HERC1: variants seen among roughly 807,000 people sequenced by gnomAD.
HERC1 encodes the protein probable E3 ubiquitin-protein ligase HERC1.
Under a neutral mutation model 554.3 loss-of-function variants are expected in HERC1, and 160 were observed. The observed-to-expected ratio is 0.29, with a 90% CI of 0.25 to 0.33. The LOEUF is 0.33. Ranked by LOEUF, HERC1 falls within the 10% of genes least tolerant of loss-of-function variation. HERC1 has a pLI of 1.00. For missense variants in HERC1, 4,919 were observed against 5,918.5 expected, an observed-to-expected ratio of 0.83 and a Z score of 5.54; for synonymous variants, 2,175 against 2,131.7, an observed-to-expected ratio of 1.02 and a Z score of -0.56.
chr15:63,727,912 T>C lies in HERC1; in HGVS notation c.3155-74A>G. On this transcript the variant is annotated intron_variant, in intron 16 of 77. Transcript: ENST00000443617. This position sits in a 1 kb window ranked among gnomAD's most constrained non-coding sequence, Gnocchi z 4.3. ...TTAAAAAAAGGAACCTAATAAATAT[T>C]ATTTTAGCTTGGAACTAGAGTAGAC... The C allele has an allele frequency of 8.2e-7, 1 of 1,225,570 alleles. No individual in the cohort carries two copies. Among genetic ancestry groups the C allele is most frequent in the South Asian group, 1.4e-5 (1 of 71,676 alleles). 75.9% of individuals were successfully genotyped at this position (1,225,570 alleles called of 1,614,324 possible).
chr15:63,685,786 T>C (rs918839423), intron 34 of HERC1, among the ~76,000 whole-genome samples: 2 of 152,242 alleles, frequency 1.3e-5, no homozygotes, highest in African/African-American at 4.8e-5. Flanking sequence ...TAGAAATGCC[T>C]GCTTGCAATG....
At chr15:63,624,403 A>G in intron 71 of HERC1, 76 bp from the exon 72 acceptor site, 1 of 1,383,758 alleles carries the variant, frequency 7.2e-7, no homozygotes, top group Non-Finnish European at 9.8e-7. Context: ...CTTATAGAAC[A>G]TACATTATTT....
intron 52 of HERC1, 86 bp downstream of exon 52, chr15:63,652,328 C>A: frequency 7.8e-7 from 1 of 1,282,086 alleles, no homozygotes; most frequent in Non-Finnish European, 1.0e-6. Flanking sequence ...ATTTTAGTGA[C>A]AATATGATTA....
At position 63,675,033 on chromosome 15, in the gene HERC1, G is replaced by A; in HGVS notation, c.7155C>T (p.Phe2385=). The A allele has an allele frequency of 6.2e-6, 10 of 1,614,032 alleles. No individual in the cohort carries two copies. The highest frequency in any genetic ancestry group is 8.5e-6 in the Non-Finnish European group (10 of 1,179,888). Residue 2385 remains phenylalanine, a synonymous_variant, in exon 38 of 78, where the codon TTC becomes TTT. Transcript: ENST00000443617. ...CEPLPFDVAR[F]RGLTASVLLD... ...GCAGCACAGAAGCCGTCAGGCCTCG[G>A]AATCGCGCCACATCAAACGGCAATG...
chr15:63,622,990 G>A, intron 73 of HERC1, 99 bp from the exon 74 acceptor site: 1 of 676,678 alleles, frequency 1.5e-6, no homozygotes, highest in Non-Finnish European at 2.4e-6. Flanking sequence ...ATATTTTGAG[G>A]AATTTATAAT....
chr15:63,833,793 G>GCACAC (rs1567176634), intron 1 of HERC1, 34 bp downstream of exon 1: 1 of 146,236 alleles, frequency 6.8e-6, no homozygotes, highest in African/African-American at 2.6e-5. Context: ...ACACACACAG[G>GCACAC]ACCAGGAGGA....
At chr15:63,712,736 A>C (rs1381485205) in intron 24 of HERC1, 39 bp downstream of exon 24, 1 of 1,598,146 alleles carries the variant, frequency 6.3e-7, no homozygotes, top group Non-Finnish European at 8.5e-7. Flanking sequence ...TATACCTTGA[A>C]AACAAAAATC....
In HERC1 at chr15:63,694,573, G is replaced by T. The variant is rs369838996; in HGVS notation, c.5243-24C>A. 3.8e-5 allele frequency: 60 copies of T among 1,586,598 alleles called. No homozygotes were observed. The highest frequency in any genetic ancestry group is 5.0e-5 in the Non-Finnish European group (58 of 1,155,958). On this transcript the variant is annotated intron_variant, in intron 28 of 77. Transcript: ENST00000443617. This position sits in a 1 kb window ranked among gnomAD's most constrained non-coding sequence, Gnocchi z 4.3. ...TTCTAAAAGACAAAGAGACAGTTAA[G>T]AATCTTCCTTTCAGTAAACAAAGCA...
At chr15:63,690,457 A>C (rs1470730955) in intron 32 of HERC1, 84 bp downstream of exon 32, 1 of 811,718 alleles carries the variant, frequency 1.2e-6, no homozygotes, top group African/African-American at 1.7e-5. Context: ...CACATTTACA[A>C]CTGAAGAGAC....
intron 14 of HERC1, 43 bp downstream of exon 14, chr15:63,732,881 T>TAC (rs762545706): frequency 3.0e-5 from 38 of 1,249,528 alleles, no homozygotes; most frequent in Non-Finnish European, 4.3e-5. Context: ...AAGAGATCCC[T>TAC]ACCCCTTTAT....
intron 36 of HERC1, among the ~76,000 whole-genome samples, chr15:63,679,474 G>C (rs1319696940): frequency 6.6e-6 from 1 of 152,120 alleles, no homozygotes; most frequent in Non-Finnish European, 1.5e-5. Flanking sequence ...AGAAATTCTT[G>C]AGACTTGACT....
At chr15:63,691,559 G>A (rs563388632) in intron 31 of HERC1, among the ~76,000 whole-genome samples, 8 of 151,908 alleles carry the variant, frequency 5.3e-5, no homozygotes, top group African/African-American at 1.7e-4. Context: ...ACATATAACT[G>A]TAATAAGATC....
intron 1 of HERC1, among the ~76,000 whole-genome samples, chr15:63,795,135 A>G (rs908810822): frequency 7.2e-5 from 11 of 151,770 alleles, no homozygotes; most frequent in African/African-American, 2.7e-4. Context: ...TAAATGACAT[A>G]CAAATTATAT....
At chr15:63,631,265 C>T (rs905928064) in intron 68 of HERC1, among the ~76,000 whole-genome samples, 10 of 152,232 alleles carry the variant, frequency 6.6e-5, no homozygotes, top group South Asian at 6.2e-4. Flanking sequence ...GCCCCTGATG[C>T]GCAAAGTCTG....
rs2073094750 is a variant in HERC1 at position 63,707,879 on chromosome 15, AG to A, written c.4585-1049del. Among the ~76,000 whole-genome samples the A allele has an allele frequency of 2.2e-5, 3 of 135,168 alleles. No homozygotes were observed. The Admixed American group carries it at 2.5e-4, about 11-fold the overall frequency. 88.7% of individuals were successfully genotyped at this position (135,168 alleles called of 152,430 possible). On this transcript the variant is annotated intron_variant, in intron 24 of 77. Transcript: ENST00000443617. ...AGGAGGCGGAGGTTGCAGTGAGCTG[AG>A]ATTGTGCCACTGCACTCCAGCCCGG...
At position 63,754,542 on chromosome 15, in the gene HERC1, A is replaced by G. The variant is rs1438029812; in HGVS notation, c.1737T>C (p.Asp579=). 1 of 1,612,248 alleles carries G rather than the reference A, an allele frequency of 6.2e-7. No individual in the cohort carries two copies. The highest frequency in any genetic ancestry group is 8.5e-7 in the Non-Finnish European group (1 of 1,179,088). The part of the protein sequence containing the change: ...GSSHTIALSK[D]GRTVWSFGGG... ...CTCCAAAAGACCATACAGTTCTCCC[A>G]TCTTTAGACAGAGCAATAGTATGTG... The change falls in exon 7 of 78, where the codon GAT becomes GAC. Residue 579 remains aspartate (D), a synonymous_variant. Transcript: ENST00000443617.
In HERC1 at chr15:63,608,781, G is replaced by C. The variant is rs990519404; in HGVS notation, c.*300C>G. The C allele has an allele frequency of 1.2e-5, 3 of 241,288 alleles. No individual in the cohort carries two copies. The highest frequency in any genetic ancestry group is 2.3e-5 in the African/African-American group (1 of 44,154). The allele number at this position is 241,288 out of a possible 1,614,324, so 14.9% of individuals were successfully genotyped here. On this transcript the variant is annotated 3_prime_UTR_variant, in exon 78 of 78. Transcript: ENST00000443617. Reference sequence around the variant, plus strand: ...GTTCACTGGGTGGATTTACAAAAATGTACCATTCCCAACTAAAAATGCACC... The same window carrying C: ...GTTCACTGGGTGGATTTACAAAAATCTACCATTCCCAACTAAAAATGCACC...
intron 42 of HERC1, among the ~76,000 whole-genome samples, 177 bp downstream of exon 42, chr15:63,665,742 T>A (rs1255532685): frequency 6.6e-6 from 1 of 152,220 alleles, no homozygotes. Context: ...TCAAAACTTG[T>A]CATGTCACTT....
In HERC1 at chr15:63,723,168, C is replaced by A; in HGVS notation, c.3742+14G>T. The A allele has an allele frequency of 7.1e-7, 1 of 1,399,196 alleles. No individual in the cohort carries two copies. The highest frequency in any genetic ancestry group is 1.8e-5 in the South Asian group (1 of 54,068). 86.7% of individuals were successfully genotyped at this position (1,399,196 alleles called of 1,614,324 possible). ...CTAACTACAAATTTACTCCCTTTAT[C>A]TTCTTTATCTTACCTTTACTAACAG... On this transcript the variant is annotated intron_variant, in intron 19 of 77. Coordinates refer to ENST00000443617, the MANE Select transcript of HERC1 (RefSeq NM_003922.4).
Sources: allele counts gnomAD v4.1 joint callset (sites outside exome capture counted in the v4.1 genomes callset), GRCh38; gene constraint gnomAD v4.1.1; non-coding constraint Gnocchi (gnomAD v3.1); transcripts MANE v1.5; gene names NCBI Gene and HGNC (gene_info 2026-07-23, HGNC 2026-07-21).